GPR158: variants seen among roughly 807,000 people sequenced by gnomAD.
GPR158 encodes metabotropic glycine receptor.
A neutral mutation model predicts 78.2 loss-of-function variants in GPR158; 30 were observed. That is an observed-to-expected ratio of 0.38 (90% CI 0.29 to 0.52). The LOEUF is 0.52. Ranked by LOEUF, GPR158 falls within the 20% of genes least tolerant of loss-of-function variation. The pLI is 0.83. For synonymous variants in GPR158, 581 were observed against 591.1 expected, an observed-to-expected ratio of 0.98 and a Z score of 0.25; for missense variants, 1,463 against 1,523.5, an observed-to-expected ratio of 0.96 and a Z score of 0.66.
intron 2 of GPR158, among the ~76,000 whole-genome samples, chr10:25,338,368 A>G (rs1855240236): frequency 6.9e-6 from 1 of 145,486 alleles, no homozygotes; most frequent in Admixed American, 6.9e-5. Context: ...AAATCTGATG[A>G]CTATATCTAT....
chr10:25,527,020 AAG>A (rs1157369782), intron 5 of GPR158, among the ~76,000 whole-genome samples: 1 of 152,204 alleles, frequency 6.6e-6, no homozygotes, highest in African/African-American at 2.4e-5. Context: ...GACTTCAAGA[AAG>A]GAGATATTCA....
At chr10:25,366,207 A>G (rs748980497) in intron 2 of GPR158, among the ~76,000 whole-genome samples, 2 of 151,410 alleles carry the variant, frequency 1.3e-5, no homozygotes, top group East Asian at 3.9e-4. Context: ...TTTTGCATTT[A>G]TATTGGGGCA....
intron 2 of GPR158, among the ~76,000 whole-genome samples, chr10:25,364,981 A>G (rs1197290010): frequency 6.6e-6 from 1 of 151,820 alleles, no homozygotes; most frequent in East Asian, 1.9e-4. Flanking sequence ...AAGAATAAAT[A>G]CAGAAATAAT....
intron 5 of GPR158, among the ~76,000 whole-genome samples, chr10:25,532,868 C>G (rs1836445197): frequency 1.3e-5 from 2 of 152,250 alleles, no homozygotes; most frequent in South Asian, 4.1e-4. Context: ...TCTACATATT[C>G]CTTTTGATGT....
intron 5 of GPR158, among the ~76,000 whole-genome samples, chr10:25,529,225 A>C (rs1481552093): frequency 6.6e-6 from 1 of 152,072 alleles, no homozygotes; most frequent in Non-Finnish European, 1.5e-5. Context: ...GTCTGTACTA[A>C]AAATACAAAA....
intron 5 of GPR158, 93 bp downstream of exon 5, chr10:25,466,812 A>C (rs1835430579): frequency 3.7e-6 from 2 of 533,902 alleles, no homozygotes; most frequent in Non-Finnish European, 6.3e-6. Flanking sequence ...ACACATACAC[A>C]CACCCTGGTG....
intron 2 of GPR158, among the ~76,000 whole-genome samples, chr10:25,306,093 A>G (rs571261973): frequency 2.6e-5 from 4 of 151,046 alleles, no homozygotes; most frequent in South Asian, 4.2e-4. Flanking sequence ...TTGGCTCCCA[A>G]CTTACTTTCT....
intron 2 of GPR158, among the ~76,000 whole-genome samples, chr10:25,275,746 A>T (rs1854174623): frequency 1.3e-5 from 2 of 152,198 alleles, no homozygotes; most frequent in African/African-American, 4.8e-5. Flanking sequence ...ACTTGCTCCT[A>T]GAAAGAAATT....
intron 3 of GPR158, among the ~76,000 whole-genome samples, chr10:25,404,523 T>G (rs1349784834): frequency 1.3e-5 from 2 of 152,076 alleles, no homozygotes; most frequent in East Asian, 3.9e-4. Flanking sequence ...TTCAACCTTA[T>G]GTCTAGTTGC....
At chr10:25,377,869 T>G (rs1834103673) in intron 2 of GPR158, among the ~76,000 whole-genome samples, 1 of 152,080 alleles carries the variant, frequency 6.6e-6, no homozygotes, top group African/African-American at 2.4e-5. Context: ...AGACATATGT[T>G]TTCAATTGTC....
At chr10:25,507,174 A>C (rs1463026399) in intron 5 of GPR158, among the ~76,000 whole-genome samples, 1 of 152,190 alleles carries the variant, frequency 6.6e-6, no homozygotes, top group Non-Finnish European at 1.5e-5. Context: ...CAAAGTACAC[A>C]CTGGCTCATG....
At chr10:25,247,310 T>A (rs1024881412) in intron 2 of GPR158, among the ~76,000 whole-genome samples, 3 of 151,712 alleles carry the variant, frequency 2.0e-5, no homozygotes, top group African/African-American at 7.3e-5. Context: ...TTATTCTTTT[T>A]TTTTTTCTTT....
chr10:25,317,790 G>A (rs902417378), intron 2 of GPR158, among the ~76,000 whole-genome samples: 2 of 149,314 alleles, frequency 1.3e-5, no homozygotes, highest in Admixed American at 6.6e-5. Context: ...GTGCAATGGC[G>A]CAATCTCAGC....
At chr10:25,596,598 G>T in intron 9 of GPR158, 45 bp from the exon 10 acceptor site, 1 of 1,500,348 alleles carries the variant, frequency 6.7e-7, no homozygotes, top group South Asian at 1.2e-5. Context: ...TATGCAATGC[G>T]TTACAGTGAG....
chr10:25,507,756 C>A (rs1588891443), intron 5 of GPR158, among the ~76,000 whole-genome samples: 1 of 152,028 alleles, frequency 6.6e-6, no homozygotes, highest in Admixed American at 6.6e-5. Flanking sequence ...CTCTTTATGG[C>A]AAAGGGGAAA....
At position 25,599,240 on chromosome 10, in the gene GPR158, G is replaced by A; in HGVS notation, c.3614G>A (p.Arg1205Lys). Residue 1205 changes from arginine to lysine, a missense_variant, in exon 11 of 11, where the codon AGG becomes AAG. Transcript: ENST00000376351. ...AGTGCAAATAAGATAGCAGGGCCTA[G>A]GAAAGAAGAGATCTGGGATAGTTTT... The part of the protein sequence containing the change: ...ALSANKIAGP[R>K]KEEIWDSFKV 2 of 1,612,538 alleles carry A rather than the reference G, an allele frequency of 1.2e-6. No homozygotes were observed. The highest frequency in any genetic ancestry group is 1.7e-6 in the Non-Finnish European group (2 of 1,179,720).
intron 5 of GPR158, among the ~76,000 whole-genome samples, chr10:25,546,794 C>T (rs1836667422): frequency 6.6e-6 from 1 of 152,074 alleles, no homozygotes; most frequent in African/African-American, 2.4e-5. Context: ...CATGTTCTTT[C>T]TAGAGGAAGG....
intron 5 of GPR158, among the ~76,000 whole-genome samples, chr10:25,496,147 A>C (rs1392924887): frequency 6.6e-6 from 1 of 152,104 alleles, no homozygotes; most frequent in East Asian, 1.9e-4. Context: ...CCTCTATTAC[A>C]CTTGTCCCCG....
At chr10:25,333,582 AC>A (rs1295430798) in intron 2 of GPR158, among the ~76,000 whole-genome samples, 1 of 152,142 alleles carries the variant, frequency 6.6e-6, no homozygotes, top group Non-Finnish European at 1.5e-5. Flanking sequence ...TCCCACTGTA[AC>A]TAAGTAGCTG....
Sources: allele counts gnomAD v4.1 joint callset (sites outside exome capture counted in the v4.1 genomes callset), GRCh38; gene constraint gnomAD v4.1.1; transcripts MANE v1.5; gene names NCBI Gene and HGNC (gene_info 2026-07-23, HGNC 2026-07-21).